HPSE2: variants seen among roughly 807,000 people sequenced by gnomAD.
The protein encoded by HPSE2 is inactive heparanase-2.
HPSE2 carries 38 observed loss-of-function variants against 60.5 expected under a neutral mutation model. That is an observed-to-expected ratio of 0.63 (90% CI 0.48 to 0.82). The LOEUF (loss-of-function observed/expected upper bound fraction) is 0.82, where lower values mean the gene tolerates loss of function less well. Ranked by LOEUF, HPSE2 falls within the 40% of genes least tolerant of loss-of-function variation. The pLI is 0.00. For missense variants in HPSE2, 713 were observed against 740.4 expected, an observed-to-expected ratio of 0.96 and a Z score of 0.43; for synonymous variants, 295 against 293.2, an observed-to-expected ratio of 1.01 and a Z score of -0.06.
At chr10:99,226,669 C>T (rs1337822133) in intron 2 of HPSE2, among the ~76,000 whole-genome samples, 1 of 151,980 alleles carries the variant, frequency 6.6e-6, no homozygotes, top group Non-Finnish European at 1.5e-5. Flanking sequence ...AGACTCTCTT[C>T]TTTAAATCCA....
At chr10:99,010,907 T>C (rs1437901693) in intron 3 of HPSE2, among the ~76,000 whole-genome samples, 1 of 152,178 alleles carries the variant, frequency 6.6e-6, no homozygotes, top group Non-Finnish European at 1.5e-5. Flanking sequence ...TTGTCACATA[T>C]TTAAACTTGT....
At chr10:99,071,049 T>C (rs563894041) in intron 3 of HPSE2, among the ~76,000 whole-genome samples, 6 of 151,774 alleles carry the variant, frequency 4.0e-5, no homozygotes, top group African/African-American at 7.3e-5. Context: ...CTAGATAATA[T>C]GGTATTTCTA....
chr10:98,530,471 C>T (rs1467398064), intron 9 of HPSE2, among the ~76,000 whole-genome samples: 2 of 152,204 alleles, frequency 1.3e-5, no homozygotes, highest in African/African-American at 4.8e-5. Flanking sequence ...ACTTTGAGAA[C>T]TGTTACTTCA....
the HPSE2 span, among the ~76,000 whole-genome samples, chr10:99,269,470 A>G: frequency 6.6e-6 from 1 of 152,140 alleles, no homozygotes; most frequent in African/African-American, 2.4e-5. Context: ...TTAATACTAG[A>G]CCTAAGAAAT....
At chr10:99,098,814 A>C (rs1368025620) in intron 3 of HPSE2, among the ~76,000 whole-genome samples, 2 of 152,236 alleles carry the variant, frequency 1.3e-5, no homozygotes, top group African/African-American at 4.8e-5. Flanking sequence ...ATAATATTTT[A>C]TCAGTAATAC....
the HPSE2 span, among the ~76,000 whole-genome samples, chr10:99,282,513 C>CATT: frequency 6.6e-6 from 1 of 152,104 alleles, no homozygotes; most frequent in African/African-American, 2.4e-5. Context: ...ACATTACAAA[C>CATT]TAATAACACC....
At position 98,721,638 on chromosome 10, in the gene HPSE2, G is replaced by A. The variant is rs73323766; in HGVS notation, c.956+19C>T. ...TTAAATGAACAATGTCATAAGAAAA[G>A]CTAAATAATCTGACCTACCCATCTA... On this transcript the variant is annotated intron_variant, in intron 5 of 11. Transcript: ENST00000370552. The A allele has an allele frequency of 1.2e-6, 2 of 1,609,072 alleles. No individual in the cohort carries two copies. The highest frequency in any genetic ancestry group is 1.3e-5 in the African/African-American group (1 of 74,804).
chr10:98,975,777 A>G (rs1956069734), intron 3 of HPSE2, among the ~76,000 whole-genome samples: 1 of 152,216 alleles, frequency 6.6e-6, no homozygotes, highest in Admixed American at 6.6e-5. Context: ...GGTTGGAGCT[A>G]GGTTAGGCTT....
intron 3 of HPSE2, among the ~76,000 whole-genome samples, chr10:99,031,507 T>A (rs1258515187): frequency 6.6e-6 from 1 of 152,206 alleles, no homozygotes; most frequent in Non-Finnish European, 1.5e-5. Context: ...CAGTCCTCTC[T>A]ATGAGATAGA....
intron 3 of HPSE2, among the ~76,000 whole-genome samples, chr10:99,116,050 T>C (rs1341130123): frequency 1.3e-5 from 2 of 152,188 alleles, no homozygotes; most frequent in East Asian, 3.9e-4. Flanking sequence ...CAAATGTTCA[T>C]CTAGTTAGCA....
At chr10:99,086,931 G>C (rs1265178349) in intron 3 of HPSE2, among the ~76,000 whole-genome samples, 4 of 152,146 alleles carry the variant, frequency 2.6e-5, no homozygotes, top group Non-Finnish European at 5.9e-5. Flanking sequence ...AAGATCCCTA[G>C]CAATTATTAA....
chr10:98,845,509 A>G (rs1267998283), intron 3 of HPSE2, among the ~76,000 whole-genome samples: 1 of 152,144 alleles, frequency 6.6e-6, no homozygotes, highest in East Asian at 1.9e-4. Context: ...TTTTCATGAG[A>G]GAATCATAAC....
At chr10:98,654,630 T>G (rs571388502) in intron 6 of HPSE2, among the ~76,000 whole-genome samples, 1 of 152,382 alleles carries the variant, frequency 6.6e-6, no homozygotes, top group South Asian at 2.1e-4. Flanking sequence ...TTTTGCATGT[T>G]GTCTACTTCC....
chr10:98,819,122 C>T (rs764176152), intron 3 of HPSE2, among the ~76,000 whole-genome samples: 1 of 152,090 alleles, frequency 6.6e-6, no homozygotes, highest in Non-Finnish European at 1.5e-5. Flanking sequence ...GATAAATGAC[C>T]CCCTTTAATA....
chr10:98,562,512 C>G (rs1302551171), intron 9 of HPSE2, among the ~76,000 whole-genome samples: 1 of 151,754 alleles, frequency 6.6e-6, no homozygotes, highest in African/African-American at 2.4e-5. Flanking sequence ...GTCAGGAGAT[C>G]GAGACCATCC....
At chr10:98,903,963 A>G (rs944422313) in intron 3 of HPSE2, among the ~76,000 whole-genome samples, 1 of 152,184 alleles carries the variant, frequency 6.6e-6, no homozygotes, top group Admixed American at 6.5e-5. Flanking sequence ...ATCTTAAGTC[A>G]GTCATTTAAC....
intron 3 of HPSE2, among the ~76,000 whole-genome samples, chr10:98,940,034 C>T (rs571558651): frequency 4.9e-5 from 7 of 143,368 alleles, no homozygotes; most frequent in Admixed American, 2.1e-4. Context: ...TTGAAACCAA[C>T]GAGAACAAAG....
At chr10:98,882,497 T>C (rs1362857676) in intron 3 of HPSE2, among the ~76,000 whole-genome samples, 2 of 152,034 alleles carry the variant, frequency 1.3e-5, no homozygotes, top group African/African-American at 4.8e-5. Context: ...ATCAGCTTTG[T>C]GTGCTTTCTT....
In HPSE2 at chr10:98,937,600, G is replaced by T. The variant is rs1465003144; in HGVS notation, c.611-193544C>A. Among the ~76,000 whole-genome samples the T allele has an allele frequency of 1.4e-5, 2 of 143,816 alleles. 1 individual carries two copies. Among genetic ancestry groups the T allele is most frequent in the Non-Finnish European group, 3.0e-5 (2 of 67,080 alleles). 94.3% of individuals were successfully genotyped at this position (143,816 alleles called of 152,430 possible). A position where few individuals can be genotyped will look rare whatever the true frequency, so the allele number is the denominator to read the frequency against. ...GCAGCCTGGAAGCTCGAACTGGGTG[G>T]AGCCCACCACAGCTCAAGGAGGCCT... is the stretch of plus-strand genomic sequence containing the variant. On this transcript the variant is annotated intron_variant, in intron 3 of 11. Transcript: ENST00000370552.
Sources: allele counts gnomAD v4.1 joint callset (sites outside exome capture counted in the v4.1 genomes callset), GRCh38; gene constraint gnomAD v4.1.1; transcripts MANE v1.5; gene names NCBI Gene and HGNC (gene_info 2026-07-23, HGNC 2026-07-21).